The following PRKN variants were observed in gnomAD, a reference collection of about 807,000 sequenced individuals.
PRKN encodes the protein E3 ubiquitin-protein ligase parkin.
In PRKN, 56 loss-of-function variants were observed where a neutral mutation model predicts 59.5. That is an observed-to-expected ratio of 0.94 (90% CI 0.76 to 1.18). The LOEUF (loss-of-function observed/expected upper bound fraction) is 1.18. Ranked by LOEUF, PRKN falls within the 50% of genes most tolerant of loss-of-function variation. PRKN has a pLI of 0.00. For missense variants in PRKN, 657 were observed against 596.4 expected, an observed-to-expected ratio of 1.10 and a Z score of -1.06; for synonymous variants, 250 against 222.1, an observed-to-expected ratio of 1.13 and a Z score of -1.12.
intron 3 of PRKN, among the ~76,000 whole-genome samples, chr6:162,241,280 TAAGTA>T (rs1458410729): frequency 6.6e-6 from 1 of 152,278 alleles, no homozygotes; most frequent in African/African-American, 2.4e-5. Flanking sequence ...AATGTTATTG[TAAGTA>T]AATAGCACCA....
chr6:162,432,202 T>C (rs9347638), intron 2 of PRKN, among the ~76,000 whole-genome samples: 17,475 of 152,146 alleles, frequency 0.11, 1,390 homozygotes, highest in African/African-American at 0.23. Context: ...CAATATTATA[T>C]GACATAAGCA....
chr6:161,792,777 G>A (rs142408205), intron 6 of PRKN, among the ~76,000 whole-genome samples: 1 of 152,082 alleles, frequency 6.6e-6, no homozygotes, highest in African/African-American at 2.4e-5. Flanking sequence ...TGACTCCTGG[G>A]CATTTAACAC....
chr6:162,292,393 ACC>A (rs1781476599), intron 2 of PRKN, among the ~76,000 whole-genome samples: 1 of 151,886 alleles, frequency 6.6e-6, no homozygotes, highest in Non-Finnish European at 1.5e-5. Context: ...TTTTGTCATT[ACC>A]CTTTTGTACC....
intron 6 of PRKN, among the ~76,000 whole-genome samples, chr6:161,791,456 C>G (rs955639851): frequency 6.6e-6 from 1 of 152,182 alleles, no homozygotes; most frequent in African/African-American, 2.4e-5. Context: ...ACTCTGCTGT[C>G]CACCTTGTTT....
At chr6:162,329,623 G>A (rs1008848974) in intron 2 of PRKN, among the ~76,000 whole-genome samples, 4 of 151,802 alleles carry the variant, frequency 2.6e-5, no homozygotes, top group African/African-American at 9.7e-5. Flanking sequence ...TTTTTGAGAG[G>A]AATATAAAGG....
intron 5 of PRKN, among the ~76,000 whole-genome samples, chr6:161,990,438 G>C (rs1781601721): frequency 6.6e-6 from 1 of 152,168 alleles, no homozygotes; most frequent in African/African-American, 2.4e-5. Flanking sequence ...AGAAGCAACT[G>C]CTACATCAGA....
chr6:161,969,223 G>A (rs1780702636), intron 6 of PRKN, among the ~76,000 whole-genome samples: 1 of 151,104 alleles, frequency 6.6e-6, no homozygotes, highest in Admixed American at 6.6e-5. Context: ...GCCAAGGCAT[G>A]CAGTCAATGA....
At chr6:161,925,482 A>G (rs866103269) in intron 6 of PRKN, among the ~76,000 whole-genome samples, 4 of 152,230 alleles carry the variant, frequency 2.6e-5, no homozygotes, top group African/African-American at 9.6e-5. Flanking sequence ...GAGGTAAGAG[A>G]ATCGCTTGAG....
chr6:162,673,379 A>G (rs1490164799), intron 1 of PRKN, among the ~76,000 whole-genome samples: 2 of 152,164 alleles, frequency 1.3e-5, no homozygotes, highest in African/African-American at 2.4e-5. Context: ...AAAAAACAGA[A>G]GCAGTTTACA....
intron 4 of PRKN, among the ~76,000 whole-genome samples, chr6:162,144,535 C>G (rs1195185920): frequency 6.6e-6 from 1 of 152,104 alleles, no homozygotes; most frequent in Admixed American, 6.5e-5. Context: ...CCGAGCCTTC[C>G]TGGGAGCTGG....
intron 9 of PRKN, among the ~76,000 whole-genome samples, chr6:161,501,460 T>C (rs760421489): frequency 6.6e-6 from 1 of 152,232 alleles, no homozygotes; most frequent in Non-Finnish European, 1.5e-5. Context: ...CCATTTTTAA[T>C]CTTGTTGATA....
chr6:162,712,610 A>T (rs986376454), intron 1 of PRKN, among the ~76,000 whole-genome samples: 5 of 152,328 alleles, frequency 3.3e-5, no homozygotes, highest in African/African-American at 1.2e-4. Flanking sequence ...AGTCTCCATG[A>T]TATAAACAGG....
At chr6:162,460,757 A>C (rs1299018196) in intron 1 of PRKN, among the ~76,000 whole-genome samples, 1 of 152,204 alleles carries the variant, frequency 6.6e-6, no homozygotes, top group African/African-American at 2.4e-5. Flanking sequence ...ATTTGTAAAC[A>C]TCATCTTTCA....
At chr6:162,408,932 C>T (rs1788207957) in intron 2 of PRKN, among the ~76,000 whole-genome samples, 1 of 151,538 alleles carries the variant, frequency 6.6e-6, no homozygotes, top group Non-Finnish European at 1.5e-5. Flanking sequence ...CCCTCCCCTC[C>T]CAGCTTTCCC....
chr6:162,485,757 G>C (rs1792507869), intron 1 of PRKN, among the ~76,000 whole-genome samples: 1 of 151,506 alleles, frequency 6.6e-6, no homozygotes, highest in Non-Finnish European at 1.5e-5. Flanking sequence ...TTCAATCTCA[G>C]TTAGTCGCCT....
intron 3 of PRKN, among the ~76,000 whole-genome samples, chr6:162,237,067 T>C (rs1778763440): frequency 6.6e-6 from 1 of 152,274 alleles, no homozygotes; most frequent in South Asian, 2.1e-4. Flanking sequence ...CCTGCAATAA[T>C]CCTTTCTAAT....
At chr6:161,767,257 T>C (rs965348881) in intron 7 of PRKN, among the ~76,000 whole-genome samples, 1 of 152,172 alleles carries the variant, frequency 6.6e-6, no homozygotes, top group Non-Finnish European at 1.5e-5. Flanking sequence ...CTCATGCCTG[T>C]AATCCCAGCA....
At chr6:162,180,245 A>G (rs1033792025) in intron 4 of PRKN, among the ~76,000 whole-genome samples, 2 of 152,168 alleles carry the variant, frequency 1.3e-5, no homozygotes, top group Non-Finnish European at 2.9e-5. Context: ...AAGCTACCAG[A>G]GACTACAGTC....
chr6:162,386,052 T>C (rs1399801541), intron 2 of PRKN, among the ~76,000 whole-genome samples: 1 of 151,986 alleles, frequency 6.6e-6, no homozygotes, highest in South Asian at 2.1e-4. Context: ...AAAAAAGAGG[T>C]GCCTATGCAG....
Sources: gnomAD v4.1 joint callset for allele counts (sites outside exome capture counted in the v4.1 genomes callset) on GRCh38, gnomAD v4.1.1 for gene constraint, MANE v1.5 for transcripts, NCBI Gene and HGNC (gene_info 2026-07-23, HGNC 2026-07-21) for gene names.